KLHL32: variants seen among roughly 807,000 people sequenced by gnomAD.
KLHL32 encodes the protein kelch like family member 32, also known as kelch-like protein 32.
A neutral mutation model predicts 64.8 loss-of-function variants in KLHL32; 35 were observed. The observed-to-expected ratio is 0.54, with a 90% CI of 0.41 to 0.72. KLHL32 has a LOEUF of 0.72. KLHL32 is among the 30% of genes least tolerant of loss of function. The pLI, the probability that KLHL32 is intolerant of heterozygous loss-of-function variation, is 0.00. For missense variants in KLHL32, 589 were observed against 768.5 expected (o/e 0.77, Z 2.76); for synonymous variants, 259 against 281.0 (o/e 0.92, Z 0.78).
At chr6:97,127,301 TC>T in intron 7 of KLHL32, 102 bp from the exon 8 acceptor site, 1 of 904,200 alleles carries the variant, frequency 1.1e-6, no homozygotes, top group Non-Finnish European at 1.8e-6. Flanking sequence ...TACAAACAGA[TC>T]CTCAGCAGTA....
chr6:97,091,440 A>G (rs142333686), intron 6 of KLHL32, among the ~76,000 whole-genome samples: 5 of 152,238 alleles, frequency 3.3e-5, no homozygotes, highest in South Asian at 2.1e-4. Context: ...GGGTACTACT[A>G]TTGCCTGCCA....
At chr6:97,130,986 AT>A (rs1582271622) in intron 9 of KLHL32, 37 bp downstream of exon 9, 15 of 1,578,332 alleles carry the variant, frequency 9.5e-6, no homozygotes, top group Non-Finnish European at 1.3e-5. Context: ...GGAAAAGTAG[AT>A]TCAAGAAGTC....
At chr6:97,118,272 A>G (rs1266560204) in intron 7 of KLHL32, among the ~76,000 whole-genome samples, 1 of 152,202 alleles carries the variant, frequency 6.6e-6, no homozygotes, top group Non-Finnish European at 1.5e-5. Context: ...TTAACATTTA[A>G]AAATATAATT....
At chr6:97,055,876 C>T (rs1787779519) in intron 4 of KLHL32, among the ~76,000 whole-genome samples, 1 of 148,180 alleles carries the variant, frequency 6.7e-6, no homozygotes, top group Admixed American at 6.7e-5. Context: ...TCTGACTCTT[C>T]TCACAGCAGA....
intron 3 of KLHL32, among the ~76,000 whole-genome samples, chr6:96,983,105 C>G (rs369305145): frequency 6.6e-6 from 1 of 152,176 alleles, no homozygotes; most frequent in Non-Finnish European, 1.5e-5. Context: ...GTTGAATTTT[C>G]TCAAAGGTCT....
intron 7 of KLHL32, among the ~76,000 whole-genome samples, chr6:97,121,131 C>T (rs1041454968): frequency 6.6e-6 from 1 of 152,200 alleles, no homozygotes; most frequent in Non-Finnish European, 1.5e-5. Flanking sequence ...ACCCTCACAT[C>T]ACTGCCCAGG....
At chr6:96,970,356 T>C (rs1774978151) in intron 2 of KLHL32, among the ~76,000 whole-genome samples, 1 of 152,216 alleles carries the variant, frequency 6.6e-6, no homozygotes, top group Admixed American at 6.5e-5. Context: ...CCTTTGTCCC[T>C]AGCTGTTAAC....
intron 3 of KLHL32, among the ~76,000 whole-genome samples, chr6:97,007,682 T>G (rs975014050): frequency 6.6e-6 from 1 of 152,162 alleles, no homozygotes; most frequent in African/African-American, 2.4e-5. Flanking sequence ...TTTGATACCC[T>G]TGGGAGTTTG....
At chr6:97,008,731 T>A (rs6916733) in intron 3 of KLHL32, among the ~76,000 whole-genome samples, 15,466 of 152,138 alleles carry the variant, frequency 0.1, 1,044 homozygotes, top group East Asian at 0.31. Flanking sequence ...TGAGTCCCTT[T>A]GCTCAGCAGC....
intron 3 of KLHL32, among the ~76,000 whole-genome samples, chr6:96,991,068 C>T (rs948330339): frequency 2.0e-5 from 3 of 151,986 alleles, no homozygotes; most frequent in Non-Finnish European, 4.4e-5. Context: ...GGGTCAAGGC[C>T]TCATGGGGAG....
chr6:97,039,212 A>G (rs1467880194), intron 3 of KLHL32, among the ~76,000 whole-genome samples: 1 of 152,236 alleles, frequency 6.6e-6, no homozygotes, highest in African/African-American at 2.4e-5. Flanking sequence ...GCCATAAAAA[A>G]ATGAAATCCT....
chr6:97,119,554 C>T lies in KLHL32; in HGVS notation c.1354+5045C>T, dbSNP rs150719274. Among the ~76,000 whole-genome samples the T allele has an allele frequency of 4.7e-3, 711 of 152,090 alleles. 5 individuals carry two copies. Among genetic ancestry groups the T allele is most frequent in the Non-Finnish European group, 5.8e-3 (397 of 67,996 alleles). On this transcript the variant is annotated intron_variant, in intron 7 of 10. Transcript: ENST00000369261. ...GCAGTTTCAGGAAATTGGAAGAAGG[C>T]GGAAACTAGAATACAGTAGTTTAAG...
intron 2 of KLHL32, among the ~76,000 whole-genome samples, chr6:96,972,907 A>G (rs1005017836): frequency 2.6e-5 from 4 of 152,188 alleles, no homozygotes; most frequent in Admixed American, 2.6e-4. Flanking sequence ...CCTTCCAGCT[A>G]TGTTCTGTGG....
intron 7 of KLHL32, among the ~76,000 whole-genome samples, chr6:97,126,992 A>G (rs975624921): frequency 1.3e-5 from 2 of 152,200 alleles, no homozygotes. Context: ...GTGTTAGAGT[A>G]CGGATGTTAG....
intron 4 of KLHL32, among the ~76,000 whole-genome samples, chr6:97,058,386 T>C (rs1582879868): frequency 6.6e-6 from 1 of 152,210 alleles, no homozygotes; most frequent in East Asian, 1.9e-4. Flanking sequence ...GGGCCATCTT[T>C]CCATTTATTT....
intron 2 of KLHL32, among the ~76,000 whole-genome samples, chr6:96,969,211 C>T (rs1774841908): frequency 6.6e-6 from 1 of 152,214 alleles, no homozygotes; most frequent in Non-Finnish European, 1.5e-5. Context: ...CACTCAGCCA[C>T]TCAGTTTCAT....
chr6:97,081,331 G>A (rs1792479761), intron 5 of KLHL32, among the ~76,000 whole-genome samples: 1 of 152,110 alleles, frequency 6.6e-6, no homozygotes, highest in South Asian at 2.1e-4. Context: ...GGATGATGGG[G>A]ACAGAGGACT....
At chr6:97,024,427 C>T (rs1331877490) in intron 3 of KLHL32, among the ~76,000 whole-genome samples, 2 of 149,826 alleles carry the variant, frequency 1.3e-5, no homozygotes, top group African/African-American at 4.9e-5. Flanking sequence ...AATTAAATGA[C>T]TTCATAATTT....
At chr6:97,041,631 A>T in intron 4 of KLHL32, 32 bp downstream of exon 4, 1 of 1,264,402 alleles carries the variant, frequency 7.9e-7, no homozygotes, top group Non-Finnish European at 1.2e-6. Context: ...GTAAAGTTTA[A>T]CATTTCAACT....
Sources: allele counts gnomAD v4.1 joint callset (sites outside exome capture counted in the v4.1 genomes callset), GRCh38; gene constraint gnomAD v4.1.1; transcripts MANE v1.5; gene names NCBI Gene and HGNC (gene_info 2026-07-23, HGNC 2026-07-21).